Variants in LARGE1 observed in about 807,000 individuals in gnomAD.
LARGE1 encodes the protein xylosyl- and glucuronyltransferase LARGE1.
A neutral mutation model predicts 87.6 loss-of-function variants in LARGE1; 43 were observed. The ratio of observed to expected loss-of-function variants is 0.49; its 90% confidence interval spans 0.38 to 0.63. The LOEUF (loss-of-function observed/expected upper bound fraction) is 0.63. Ranked by LOEUF, LARGE1 falls within the 30% of genes least tolerant of loss-of-function variation. The pLI is 0.00. For synonymous variants in LARGE1, 434 were observed against 394.6 expected (o/e 1.10, Z -1.18); for missense variants, 802 against 1,000.2 (o/e 0.80, Z 2.67).
the LARGE1 span, among the ~76,000 whole-genome samples, chr22:33,092,685 C>A: frequency 7.7e-6 from 1 of 130,316 alleles, no homozygotes; most frequent in Admixed American, 9.1e-5. Flanking sequence ...CTTATGTTTT[C>A]ATTGTTCAGC....
intron 1 of LARGE1, among the ~76,000 whole-genome samples, chr22:33,767,008 C>T (rs920541551): frequency 2.2e-5 from 3 of 135,722 alleles, no homozygotes; most frequent in Non-Finnish European, 4.7e-5. Flanking sequence ...ATTGCTTTTA[C>T]AATTTAAAAG....
At chr22:33,779,946 T>C (rs545023711) in intron 1 of LARGE1, among the ~76,000 whole-genome samples, 3 of 152,194 alleles carry the variant, frequency 2.0e-5, no homozygotes, top group Admixed American at 1.3e-4. Flanking sequence ...GTGCTACAAA[T>C]TGGGTGGCTT....
At chr22:33,857,982 G>A (rs1225118153) in intron 1 of LARGE1, among the ~76,000 whole-genome samples, 2 of 152,154 alleles carry the variant, frequency 1.3e-5, no homozygotes, top group Admixed American at 6.5e-5. Flanking sequence ...TCGCTTCCAA[G>A]ATGGTGGCAA....
At chr22:33,764,512 C>T (rs1029806990) in intron 1 of LARGE1, among the ~76,000 whole-genome samples, 1 of 152,136 alleles carries the variant, frequency 6.6e-6, no homozygotes, top group Non-Finnish European at 1.5e-5. Context: ...AATCCCAGCA[C>T]TTTGGGAGGC....
intron 5 of LARGE1, 86 bp from the exon 6 acceptor site, chr22:33,565,105 C>T: frequency 8.5e-7 from 1 of 1,183,184 alleles, no homozygotes; most frequent in Non-Finnish European, 1.2e-6. Flanking sequence ...ATAAATAGTG[C>T]CTAGCACACA....
At chr22:33,203,151 GAGAC>G (rs10609997) in intron 11 of LARGE1, among the ~76,000 whole-genome samples, 21,406 of 151,090 alleles carry the variant, frequency 0.14, 1,555 homozygotes, top group South Asian at 0.22. Flanking sequence ...GAGAAAGAGA[GAGAC>G]AGACAGACAG....
At position 33,845,457 on chromosome 22, in the gene LARGE1, C is replaced by T. The variant is rs756627696; in HGVS notation, c.-83+74538G>A. On this transcript the variant is annotated intron_variant, in intron 1 of 14. Transcript: ENST00000397394. Reference sequence around the variant, plus strand: ...CTGAGTAGCTGAGATTACAGGCATGCGTCACCATGCCCGGCTAATTTTGTA... The same window carrying T: ...CTGAGTAGCTGAGATTACAGGCATGTGTCACCATGCCCGGCTAATTTTGTA... 6.3e-4 allele frequency among the ~76,000 whole-genome samples: 96 copies of T among 151,966 alleles called. 1 individual carries two copies. The highest frequency in any genetic ancestry group is 2.8e-3 in the Admixed American group (42 of 15,258).
intron 6 of LARGE1, among the ~76,000 whole-genome samples, chr22:33,454,402 G>A (rs1239773146): frequency 1.3e-5 from 2 of 151,994 alleles, no homozygotes; most frequent in South Asian, 2.1e-4. Context: ...GGTGGATCAC[G>A]AGGTCAGGAG....
intron 9 of LARGE1, among the ~76,000 whole-genome samples, chr22:33,353,792 TA>T (rs1020831752): frequency 1.3e-5 from 2 of 152,172 alleles, no homozygotes; most frequent in Non-Finnish European, 2.9e-5. Flanking sequence ...TTAACTGGAA[TA>T]ACAAAAGAAT....
intron 13 of LARGE1, among the ~76,000 whole-genome samples, chr22:33,278,633 A>T (rs1000734065): frequency 2.0e-5 from 3 of 152,186 alleles, no homozygotes; most frequent in African/African-American, 4.8e-5. Context: ...ATGTCAAAGT[A>T]CAAGTAGTCA....
At chr22:33,612,691 C>G (rs2079473133) in intron 4 of LARGE1, among the ~76,000 whole-genome samples, 1 of 152,170 alleles carries the variant, frequency 6.6e-6, no homozygotes, top group Admixed American at 6.5e-5. Flanking sequence ...AAAAGAGAGA[C>G]CACGTCTACA....
chr22:33,404,505 A>G (rs1052455244), intron 7 of LARGE1, among the ~76,000 whole-genome samples: 1 of 152,184 alleles, frequency 6.6e-6, no homozygotes, highest in Non-Finnish European at 1.5e-5. Flanking sequence ...GGCCACAGTA[A>G]TCCTTGGGGT....
At chr22:33,132,133 A>G in the LARGE1 span, among the ~76,000 whole-genome samples, 1 of 152,200 alleles carries the variant, frequency 6.6e-6, no homozygotes, top group Admixed American at 6.5e-5. Context: ...GGGTGGAGAC[A>G]CAGCCAAACC....
intron 1 of LARGE1, among the ~76,000 whole-genome samples, chr22:33,903,943 CGCTGG>C (rs1446526775): frequency 6.6e-6 from 1 of 152,118 alleles, no homozygotes; most frequent in Non-Finnish European, 1.5e-5. Context: ...TGTTGACTGG[CGCTGG>C]TAGGGGAAGT....
chr22:33,775,407 T>C (rs1343170740), intron 1 of LARGE1, among the ~76,000 whole-genome samples: 1 of 152,246 alleles, frequency 6.6e-6, no homozygotes, highest in Non-Finnish European at 1.5e-5. Context: ...CACACTTCTC[T>C]GCCTTTCCAC....
chr22:33,821,382 C>T (rs973504645), intron 1 of LARGE1, among the ~76,000 whole-genome samples: 1 of 152,126 alleles, frequency 6.6e-6, no homozygotes, highest in Non-Finnish European at 1.5e-5. Context: ...AGCAAGCAAA[C>T]ACTAGTTTAC....
intron 11 of LARGE1, among the ~76,000 whole-genome samples, chr22:33,246,210 C>A (rs1044740208): frequency 6.6e-6 from 1 of 152,184 alleles, no homozygotes; most frequent in East Asian, 1.9e-4. Context: ...AAGAGTCCAA[C>A]ACTGCAGAGA....
intron 2 of LARGE1, among the ~76,000 whole-genome samples, chr22:33,753,999 T>C (rs570498082): frequency 6.6e-6 from 1 of 151,792 alleles, no homozygotes; most frequent in Non-Finnish European, 1.5e-5. Context: ...GAGGCGGAGG[T>C]TGCAATGAGC....
At chr22:33,529,001 G>A (rs939599969) in intron 6 of LARGE1, among the ~76,000 whole-genome samples, 5 of 151,994 alleles carry the variant, frequency 3.3e-5, no homozygotes, top group Admixed American at 6.6e-5. Context: ...ATCTTTTATA[G>A]GAGAGAAACT....
Sources: gnomAD v4.1 joint callset for allele counts (sites outside exome capture counted in the v4.1 genomes callset) on GRCh38, gnomAD v4.1.1 for gene constraint, MANE v1.5 for transcripts, NCBI Gene and HGNC (gene_info 2026-07-23, HGNC 2026-07-21) for gene names.